The following HES1 variants were observed in gnomAD, a reference collection of about 807,000 sequenced individuals.
HES1 encodes the protein hes family bHLH transcription factor 1.
Under a neutral mutation model 21.0 loss-of-function variants are expected in HES1, and 7 were observed. That is an observed-to-expected ratio of 0.33 (90% CI 0.19 to 0.63). The LOEUF (loss-of-function observed/expected upper bound fraction) is 0.63. Ranked by LOEUF, HES1 falls within the 20% of genes least tolerant of loss-of-function variation. HES1 has a pLI of 0.78. For missense variants in HES1, 338 were observed against 389.8 expected (o/e 0.87, Z 1.12); for synonymous variants, 169 against 171.2 (o/e 0.99, Z 0.10).
At position 194,136,450 on chromosome 3, in the gene HES1, A is replaced by G; in HGVS notation, c.70A>G (p.Thr24Ala). ...TGCTACCCCAGCCAGTGTCAACACG[A>G]CACCGGATAAACCAAAGACAGCATC... Reference protein sequence around the residue: ...VAATPASVNTTPDKPKTASEH... With the variant: ...VAATPASVNTAPDKPKTASEH... The change falls in exon 1 of 4, where the codon ACA becomes GCA. Residue 24 changes from threonine to alanine, a missense_variant. Thr to Ala is a moderately conservative substitution (Grantham distance 58). Coordinates refer to ENST00000232424, the MANE Select transcript of HES1 (RefSeq NM_005524.4). The G allele has an allele frequency of 6.2e-7, 1 of 1,612,894 alleles. No homozygotes were observed. Among genetic ancestry groups the G allele is most frequent in the Non-Finnish European group, 8.5e-7 (1 of 1,179,720 alleles).
In HES1 at chr3:194,136,187, C is replaced by A. The variant is rs1715330301; in HGVS notation, c.-194C>A. The A allele has an allele frequency of 5.5e-6, 3 of 545,042 alleles. No individual in the cohort carries two copies. Among genetic ancestry groups the A allele is most frequent in the South Asian group, 5.0e-5 (2 of 39,884 alleles). 33.8% of individuals were successfully genotyped at this position (545,042 alleles called of 1,614,324 possible). On this transcript the variant is annotated 5_prime_UTR_variant, in exon 1 of 4. Transcript: ENST00000232424. ...GCTGGTGCTGATAACAGCGGAATCCCCCGTCTACCTCTCTCCTTGGTCCTG... is the reference window on the plus strand; with the variant it reads ...GCTGGTGCTGATAACAGCGGAATCCACCGTCTACCTCTCTCCTTGGTCCTG...
At position 194,138,121 on chromosome 3, in the gene HES1, T is replaced by A. The variant is rs1400869887; in HGVS notation, c.731T>A (p.Val244Asp). 6 of 1,612,640 alleles carry A rather than the reference T, an allele frequency of 3.7e-6. No individual in the cohort carries two copies. The highest frequency in any genetic ancestry group is 4.2e-6 in the Non-Finnish European group (5 of 1,179,596). The change falls in exon 4 of 4, where the codon GTC (valine) becomes GAC (aspartate). Residue 244 changes from valine to aspartate, a missense_variant. Transcript: ENST00000232424. Reference protein sequence around the residue: ...PNGAFAHSGPVIPVYTSNSGT... With the variant: ...PNGAFAHSGPDIPVYTSNSGT... ...GGGGCCTTCGCGCACAGCGGCCCTG[T>A]CATCCCCGTCTACACCAGCAACAGC...
Position 194,137,137 on chromosome 3 carries a change from G to A in HES1, c.292+89G>A. ...AGACTTCCGCCCGTGGTTGTGAGAG[G>A]CATTCAGCTACATTTTACTGCCTTG... is the stretch of plus-strand genomic sequence containing the variant. On this transcript the variant is annotated intron_variant, in intron 3 of 3. Transcript: ENST00000232424. This position sits in a 1 kb window ranked among gnomAD's most constrained non-coding sequence, Gnocchi z 5.4. 1 of 1,113,732 alleles carries A rather than the reference G, an allele frequency of 9.0e-7. No homozygotes were observed. The highest frequency in any genetic ancestry group is 1.4e-6 in the Non-Finnish European group (1 of 729,802). 69.0% of individuals were successfully genotyped at this position (1,113,732 alleles called of 1,614,324 possible).
chr3:194,138,245 C>G lies in HES1; in HGVS notation c.*12C>G. ...CGTGGCGGAACTGAGGGGGCTCAGG[C>G]CACCCCTCCTCCTAAACTCCCCAAC... On this transcript the variant is annotated 3_prime_UTR_variant, in exon 4 of 4. Transcript: ENST00000232424. 2.0e-6 allele frequency: 3 copies of G among 1,536,542 alleles called. No individual in the cohort carries two copies. The highest frequency in any genetic ancestry group is 2.6e-6 in the Non-Finnish European group (3 of 1,142,066).
rs781482798 is a variant in HES1 at position 194,137,834 on chromosome 3, C to G, written c.444C>G (p.Thr148=). Residue 148 remains threonine, a synonymous_variant, in exon 4 of 4, where the codon ACC becomes ACG. Transcript: ENST00000232424. The surrounding 1 kb of genome is among the most constrained non-coding windows in gnomAD (Gnocchi z 5.4). The stretch of plus-strand genomic sequence containing the variant: ...TCGGCCACCTGGCCAACTGCATGAC[C>G]CAGATCAATGCCATGACCTACCCCG... ...RLLGHLANCM[T]QINAMTYPGQ... is the part of the protein sequence containing the mutation. 8.7e-6 allele frequency: 14 copies of G among 1,611,188 alleles called. No homozygotes were observed. Among genetic ancestry groups the G allele is most frequent in the Admixed American group, 1.7e-5 (1 of 59,846 alleles).
Position 194,136,464 on chromosome 3 carries a change from A to G in HES1, c.84A>G (p.Pro28=), listed in dbSNP as rs894714446. The change falls in exon 1 of 4, where the codon CCA becomes CCG. Residue 28 remains proline (P), a synonymous_variant. Coordinates refer to ENST00000232424, the MANE Select transcript of HES1 (RefSeq NM_005524.4). ...GTGTCAACACGACACCGGATAAACC[A>G]AAGACAGCATCTGAGCACAGAAAGG... The part of the protein sequence containing the change: ...PASVNTTPDK[P]KTASEHRKSS... The G allele has an allele frequency of 3.7e-6, 6 of 1,610,800 alleles. No homozygotes were observed. Among genetic ancestry groups the G allele is most frequent in the Non-Finnish European group, 5.1e-6 (6 of 1,179,162 alleles).
chr3:194,137,769 A>C lies in HES1; in HGVS notation c.379A>C (p.Thr127Pro), dbSNP rs1560223543. The stretch of plus-strand genomic sequence containing the variant: ...GAACGAGGTGACCCGCTTCCTGTCC[A>C]CGTGCGAGGGCGTTAATACCGAGGT... ...CMNEVTRFLS[T>P]CEGVNTEVRT... Residue 127 changes from threonine (T) to proline (P), a missense_variant, in exon 4 of 4, where the codon ACG becomes CCG. By Grantham distance (38) the Thr-to-Pro change is conservative. Coordinates refer to ENST00000232424, the MANE Select transcript of HES1 (RefSeq NM_005524.4). The surrounding 1 kb of genome is among the most constrained non-coding windows in gnomAD (Gnocchi z 5.4). 2 of 1,613,732 alleles carry C rather than the reference A, an allele frequency of 1.2e-6. No homozygotes were observed. The highest frequency in any genetic ancestry group is 1.7e-6 in the Non-Finnish European group (2 of 1,179,904).
At position 194,136,360 on chromosome 3, in the gene HES1, A is replaced by AT. The variant is rs1491477522; in HGVS notation, c.-21_-20insT. On this transcript the variant is annotated 5_prime_UTR_variant, in exon 1 of 4. Coordinates refer to ENST00000232424, the MANE Select transcript of HES1 (RefSeq NM_005524.4). ...TCCAAAAATAAAATTCTCTAGAGATAAAAAAAAAAAAAAAAGGAAAATGCC... is the reference window on the plus strand; with the variant it reads ...TCCAAAAATAAAATTCTCTAGAGATATAAAAAAAAAAAAAAAGGAAAATGCC... The AT allele has an allele frequency of 1.2e-5, 3 of 260,308 alleles. No homozygotes were observed. The highest frequency in any genetic ancestry group is 2.2e-4 in the African/African-American group (2 of 9,160). The allele number at this position is 260,308 out of a possible 1,614,324, so 16.1% of individuals were successfully genotyped here.
intron 2 of HES1, 101 bp downstream of exon 2, chr3:194,136,813 G>C (rs1341098615): frequency 1.5e-6 from 2 of 1,371,416 alleles, no homozygotes; most frequent in Admixed American, 1.7e-5. Flanking sequence ...GCACTCGCTG[G>C]TACTGCGTTC....
rs1366188845 is a variant in HES1 at position 194,138,542 on chromosome 3, C to T, written c.*309C>T. ...GTGATGCCAAAGATGTTTGAAAATG[C>T]TCTTAAAATATCTTCCTTTGGGGAA... On this transcript the variant is annotated 3_prime_UTR_variant, in exon 4 of 4. Coordinates refer to ENST00000232424, the MANE Select transcript of HES1 (RefSeq NM_005524.4). 5 of 275,406 alleles carry T rather than the reference C, an allele frequency of 1.8e-5. No individual in the cohort carries two copies. The highest frequency in any genetic ancestry group is 5.3e-5 in the Admixed American group (1 of 18,972). 17.1% of individuals were successfully genotyped at this position (275,406 alleles called of 1,614,324 possible).
chr3:194,136,857 G>C (rs1454093881), intron 2 of HES1, 104 bp from the exon 3 acceptor site: 5 of 1,390,164 alleles, frequency 3.6e-6, no homozygotes, highest in Admixed American at 1.7e-5. Context: ...TATTCGCTGG[G>C]GTCCAGAGAT....
Position 194,136,359 on chromosome 3 carries a change from T to TAAAAAAAAAAAAAAA in HES1, c.-20_-6dup. ...CTCCAAAAATAAAATTCTCTAGAGA[T>TAAAAAAAAAAAAAAA]AAAAAAAAAAAAAAAAGGAAAATGC... is the stretch of plus-strand genomic sequence containing the variant. On this transcript the variant is annotated 5_prime_UTR_variant, in exon 1 of 4. Coordinates refer to ENST00000232424, the MANE Select transcript of HES1 (RefSeq NM_005524.4). 1.7e-6 allele frequency: 2 copies of TAAAAAAAAAAAAAAA among 1,164,988 alleles called. No homozygotes were observed. Among genetic ancestry groups the TAAAAAAAAAAAAAAA allele is most frequent in the African/African-American group, 3.5e-5 (2 of 57,538 alleles). 72.2% of individuals were successfully genotyped at this position (1,164,988 alleles called of 1,614,324 possible).
chr3:194,136,469 C>G lies in HES1; in HGVS notation c.89C>G (p.Thr30Arg). The change falls in exon 1 of 4, where the codon ACA becomes AGA. Residue 30 changes from threonine (T) to arginine (R), a missense_variant. By Grantham distance (71) the Thr-to-Arg change is moderately conservative (BLOSUM62 -1). Transcript: ENST00000232424. ...SVNTTPDKPK[T>R]ASEHRKSSKP... ...AACACGACACCGGATAAACCAAAGA[C>G]AGCATCTGAGCACAGAAAGGTAAGG... The G allele has an allele frequency of 6.2e-7, 1 of 1,609,836 alleles. No homozygotes were observed. Among genetic ancestry groups the G allele is most frequent in the Non-Finnish European group, 8.5e-7 (1 of 1,178,752 alleles).
In HES1 at chr3:194,137,279, G is replaced by A. The variant is rs573709642; in HGVS notation, c.292+231G>A. On this transcript the variant is annotated intron_variant, in intron 3 of 3. Transcript: ENST00000232424. This position sits in a 1 kb window ranked among gnomAD's most constrained non-coding sequence, Gnocchi z 5.4. Reference sequence around the variant, plus strand: ...CCGCGAGGGTGGCGGGCGCCGGGTAGGGGCGAAAGGACTTAGGACTGTGGC... The same window carrying A: ...CCGCGAGGGTGGCGGGCGCCGGGTAAGGGCGAAAGGACTTAGGACTGTGGC... The A allele has an allele frequency of 5.7e-4, 346 of 605,632 alleles. 1 individual carries two copies. The highest frequency in any genetic ancestry group is 5.6e-3 in the African/African-American group (300 of 54,038). The allele number at this position is 605,632 out of a possible 1,614,324, so 37.5% of individuals were successfully genotyped here. A position where few individuals can be genotyped will look rare whatever the true frequency, so the allele number is the denominator to read the frequency against.
Position 194,137,781 on chromosome 3 carries a change from G to A in HES1, c.391G>A (p.Val131Ile), listed in dbSNP as rs138179995. 1.9e-5 allele frequency: 30 copies of A among 1,613,702 alleles called. No homozygotes were observed. The highest frequency in any genetic ancestry group is 3.3e-5 in the South Asian group (3 of 91,068). The change falls in exon 4 of 4, where the codon GTT becomes ATT. Residue 131 changes from valine to isoleucine, a missense_variant. Physicochemically the swap from Val to Ile is conservative, Grantham distance 29. Transcript: ENST00000232424. The surrounding 1 kb of genome is among the most constrained non-coding windows in gnomAD (Gnocchi z 5.4). ...VTRFLSTCEG[V>I]NTEVRTRLLG... is the part of the protein sequence containing the mutation. ...CCGCTTCCTGTCCACGTGCGAGGGC[G>A]TTAATACCGAGGTGCGCACTCGGCT... is the stretch of plus-strand genomic sequence containing the variant.
At chr3:194,136,754 A>C (rs758976084) in intron 2 of HES1, 42 bp downstream of exon 2, 3 of 1,551,556 alleles carry the variant, frequency 1.9e-6, no homozygotes, top group Admixed American at 3.4e-5. Context: ...TTAAAAAACA[A>C]ACACTTTCTC....
At position 194,137,798 on chromosome 3, in the gene HES1, C is replaced by T. The variant is rs780087324; in HGVS notation, c.408C>T (p.Arg136=). 4 of 1,613,616 alleles carry T rather than the reference C, an allele frequency of 2.5e-6. No individual in the cohort carries two copies. The highest frequency in any genetic ancestry group is 1.1e-5 in the South Asian group (1 of 91,062). The stretch of plus-strand genomic sequence containing the variant: ...GCGAGGGCGTTAATACCGAGGTGCG[C>T]ACTCGGCTGCTCGGCCACCTGGCCA... The part of the protein sequence containing the change: ...STCEGVNTEV[R]TRLLGHLANC... Residue 136 remains arginine, a synonymous_variant, in exon 4 of 4, where the codon CGC becomes CGT. Transcript: ENST00000232424. The surrounding 1 kb of genome is among the most constrained non-coding windows in gnomAD (Gnocchi z 5.4).
rs775721411 is a variant in HES1, at chr3:194,138,199, C to T, written c.809C>T (p.Thr270Met). Residue 270 changes from threonine (T) to methionine (M), a missense_variant, in exon 4 of 4, where the codon ACG (threonine) becomes ATG (methionine). Transcript: ENST00000232424. ...AVSPSSGPSL[T>M]ADSMWRPWRN is the part of the protein sequence containing the mutation. ...TCACCTTCCAGCGGCCCCTCGCTTA[C>T]GGCGGACTCCATGTGGAGGCCGTGG... 14 of 1,594,364 alleles carry T rather than the reference C, an allele frequency of 8.8e-6. No individual in the cohort carries two copies. The highest frequency in any genetic ancestry group is 2.3e-5 in the East Asian group (1 of 43,458).
Position 194,137,182 on chromosome 3 carries a change from C to G in HES1, c.292+134C>G, listed in dbSNP as rs1715365077. ...GCCTTGGCTCACTCTTGCGTTCCCA[C>G]GGTCTGGGGCTTATTTATAGCCACA... On this transcript the variant is annotated intron_variant, in intron 3 of 3. Transcript: ENST00000232424. The surrounding 1 kb of genome is among the most constrained non-coding windows in gnomAD (Gnocchi z 5.4). 1 of 714,544 alleles carries G rather than the reference C, an allele frequency of 1.4e-6. No homozygotes were observed. The highest frequency in any genetic ancestry group is 2.5e-6 in the Non-Finnish European group (1 of 405,274). The allele number at this position is 714,544 out of a possible 1,614,324, so 44.3% of individuals were successfully genotyped here.
Sources: allele counts gnomAD v4.1 joint callset, GRCh38; gene constraint gnomAD v4.1.1; non-coding constraint Gnocchi (gnomAD v3.1); transcripts MANE v1.5; gene names NCBI Gene and HGNC (gene_info 2026-07-23, HGNC 2026-07-21).